Variants in DNAJC15 observed in about 807,000 individuals in gnomAD.
DNAJC15 encodes DnaJ heat shock protein family (Hsp40) member C15, also known as dnaJ homolog subfamily C member 15.
Under a neutral mutation model 22.4 loss-of-function variants are expected in DNAJC15, and 27 were observed. That is an observed-to-expected ratio of 1.20 (90% CI 0.89 to 1.66). The LOEUF (loss-of-function observed/expected upper bound fraction) is 1.66, where lower values mean the gene tolerates loss of function less well. Ranked by LOEUF, DNAJC15 falls within the 40% of genes most tolerant of loss-of-function variation. The pLI is 0.00. For missense variants in DNAJC15, 208 were observed against 187.1 expected (o/e 1.11, Z -0.65); for synonymous variants, 79 against 63.2 (o/e 1.25, Z -1.19).
At chr13:43,068,594 TTTG>T (rs2040594011) in intron 2 of DNAJC15, among the ~76,000 whole-genome samples, 1 of 152,052 alleles carries the variant, frequency 6.6e-6, no homozygotes. Context: ...GACTTTACAG[TTTG>T]TTGTATAAAG....
chr13:43,062,036 G>C (rs542255709), intron 1 of DNAJC15, among the ~76,000 whole-genome samples: 1 of 152,180 alleles, frequency 6.6e-6, no homozygotes, highest in African/African-American at 2.4e-5. Context: ...TATCAGTGAG[G>C]ATCCTGGTAG....
intron 1 of DNAJC15, among the ~76,000 whole-genome samples, chr13:43,046,045 G>A (rs1365382871): frequency 6.6e-6 from 1 of 152,102 alleles, no homozygotes; most frequent in African/African-American, 2.4e-5. Flanking sequence ...TAGCCTTCAA[G>A]TGCCTGTTTG....
At chr13:43,079,234 T>C (rs1054031110) in intron 4 of DNAJC15, among the ~76,000 whole-genome samples, 1 of 152,190 alleles carries the variant, frequency 6.6e-6, no homozygotes, top group East Asian at 1.9e-4. Flanking sequence ...ATCATTTGTT[T>C]ACCATATGTT....
chr13:43,038,504 C>G (rs147604985), intron 1 of DNAJC15, among the ~76,000 whole-genome samples: 1 of 152,110 alleles, frequency 6.6e-6, no homozygotes, highest in Non-Finnish European at 1.5e-5. Context: ...AAAAATACGA[C>G]TGGGGAGGCC....
At chr13:43,106,426 G>A (rs1200218303) in intron 5 of DNAJC15, among the ~76,000 whole-genome samples, 3 of 152,086 alleles carry the variant, frequency 2.0e-5, no homozygotes, top group Non-Finnish European at 2.9e-5. Context: ...TTCTGCATTT[G>A]AAATTCACCT....
Position 43,108,410 on chromosome 13 carries a change from C to A in DNAJC15, c.*1162C>A, listed in dbSNP as rs1356531313. ...AGAACATAGTCCCTGATCATTATCACTTTACTATTCCAAAGGTGAGAGAAC... is the reference window on the plus strand; with the variant it reads ...AGAACATAGTCCCTGATCATTATCAATTTACTATTCCAAAGGTGAGAGAAC... On this transcript the variant is annotated 3_prime_UTR_variant, in exon 6 of 6. Transcript: ENST00000379221. 3.3e-5 allele frequency: 5 copies of A among 152,188 alleles called. No homozygotes were observed. The highest frequency in any genetic ancestry group is 5.9e-5 in the Non-Finnish European group (4 of 68,014). The allele number at this position is 152,188 out of a possible 1,614,324, so 9.4% of individuals were successfully genotyped here.
intron 1 of DNAJC15, among the ~76,000 whole-genome samples, chr13:43,060,947 C>T (rs1593318010): frequency 6.6e-6 from 1 of 152,176 alleles, no homozygotes; most frequent in East Asian, 1.9e-4. Flanking sequence ...TGAGTAAAGT[C>T]AATTTGCCAG....
chr13:43,058,398 G>C (rs1019724711), intron 1 of DNAJC15, among the ~76,000 whole-genome samples: 1 of 152,090 alleles, frequency 6.6e-6, no homozygotes, highest in African/African-American at 2.4e-5. Flanking sequence ...GGTGGAAGGC[G>C]GCAGTGTGTA....
chr13:43,030,804 G>A (rs1472490309), intron 1 of DNAJC15, among the ~76,000 whole-genome samples: 4 of 152,182 alleles, frequency 2.6e-5, no homozygotes, highest in Non-Finnish European at 4.4e-5. Context: ...AGCACAGCAC[G>A]GGGTAGGTTG....
At chr13:43,106,811 AC>A (rs1331624304) in intron 5 of DNAJC15, among the ~76,000 whole-genome samples, 7 of 150,470 alleles carry the variant, frequency 4.7e-5, no homozygotes, top group Non-Finnish European at 7.4e-5. Context: ...AAAAAAAAAA[AC>A]AGTCATGGAA....
chr13:43,051,634 G>GGTGTGTGTGTGTGTGT (rs57271276), intron 1 of DNAJC15, among the ~76,000 whole-genome samples: 33 of 133,152 alleles, frequency 2.5e-4, no homozygotes, highest in African/African-American at 8.5e-4. Flanking sequence ...AGTACTTCAT[G>GGTGTGTGTGTGTGTGT]GTGTGTGTGT....
At chr13:43,092,011 TTTG>T (rs1309057450) in intron 5 of DNAJC15, among the ~76,000 whole-genome samples, 1 of 152,178 alleles carries the variant, frequency 6.6e-6, no homozygotes, top group African/African-American at 2.4e-5. Context: ...GTGAGTAAAG[TTTG>T]TTGACTGTAT....
rs559101814 is a variant in DNAJC15, at chr13:43,042,306, A to G, written c.108+18572A>G. Among the ~76,000 whole-genome samples the G allele has an allele frequency of 6.6e-5, 10 of 152,346 alleles. No homozygotes were observed. In the South Asian group the frequency reaches 2.1e-3, roughly 32 times the overall value. On this transcript the variant is annotated intron_variant, in intron 1 of 5. Coordinates refer to ENST00000379221, the MANE Select transcript of DNAJC15 (RefSeq NM_013238.3). ...TAGTTGTAATAAAACTTATGTGAGTATGGTCTCTCTTTCTCTGGAAATATA... is the reference window on the plus strand; with the variant it reads ...TAGTTGTAATAAAACTTATGTGAGTGTGGTCTCTCTTTCTCTGGAAATATA...
intron 3 of DNAJC15, among the ~76,000 whole-genome samples, chr13:43,072,459 T>G (rs1197368939): frequency 6.6e-6 from 1 of 152,234 alleles, no homozygotes; most frequent in Non-Finnish European, 1.5e-5. Flanking sequence ...ATTTTCCATC[T>G]CCTTATCTTT....
Position 43,065,693 on chromosome 13 carries a change from G to A in DNAJC15, c.116G>A (p.Ser39Asn), listed in dbSNP as rs1239189155. Residue 39 changes from serine to asparagine, a missense_variant, in exon 2 of 6, where the codon AGT becomes AAT. Physicochemically the swap from Ser to Asn is conservative, Grantham distance 46. Transcript: ENST00000379221. ...TCATTTTTTCTTCCATAGGTAAGAA[G>A]TTTGATAGCTGTAGGACTGGGTGTT... is the stretch of plus-strand genomic sequence containing the variant. ...ADVDQQRLVR[S>N]LIAVGLGVAA... The A allele has an allele frequency of 2.5e-6, 4 of 1,612,994 alleles. No individual in the cohort carries two copies. The Admixed American group carries it at 6.7e-5, about 27-fold the overall frequency.
chr13:43,062,776 T>TG (rs1274920803), intron 1 of DNAJC15, among the ~76,000 whole-genome samples: 5 of 152,164 alleles, frequency 3.3e-5, no homozygotes, highest in Non-Finnish European at 7.4e-5. Context: ...TGGAGTGCAA[T>TG]GGTGCAGTCT....
intron 1 of DNAJC15, among the ~76,000 whole-genome samples, chr13:43,045,979 A>G (rs1048725442): frequency 1.3e-5 from 2 of 152,250 alleles, no homozygotes; most frequent in African/African-American, 2.4e-5. Context: ...TGACTGGCAC[A>G]TAGTAAATAC....
At chr13:43,070,909 G>A (rs572575635) in intron 3 of DNAJC15, among the ~76,000 whole-genome samples, 6 of 152,144 alleles carry the variant, frequency 3.9e-5, no homozygotes, top group Admixed American at 6.6e-5. Flanking sequence ...ACCAGTAAGC[G>A]GGTATTGAGA....
At chr13:43,086,180 CT>C (rs1170914260) in intron 5 of DNAJC15, among the ~76,000 whole-genome samples, 1 of 152,126 alleles carries the variant, frequency 6.6e-6, no homozygotes, top group Non-Finnish European at 1.5e-5. Flanking sequence ...TTTATGTAAC[CT>C]TCAATGTAAA....
Sources: gnomAD v4.1 joint callset for allele counts (sites outside exome capture counted in the v4.1 genomes callset) on GRCh38, gnomAD v4.1.1 for gene constraint, MANE v1.5 for transcripts, NCBI Gene and HGNC (gene_info 2026-07-23, HGNC 2026-07-21) for gene names.